Variants in RASGRP3 observed in about 807,000 individuals in gnomAD.
RASGRP3 encodes RAS guanyl releasing protein 3, also known as ras guanyl-releasing protein 3.
A neutral mutation model predicts 82.7 loss-of-function variants in RASGRP3; 54 were observed. The ratio of observed to expected loss-of-function variants is 0.65; its 90% CI spans 0.52 to 0.82. RASGRP3 has a LOEUF of 0.82. Among genes scored for constraint, RASGRP3 ranks in the 40% least tolerant of loss-of-function variants. The pLI is 0.00. For synonymous variants in RASGRP3, 309 were observed against 300.5 expected (o/e 1.03, Z -0.29); for missense variants, 861 against 828.9 (o/e 1.04, Z -0.48).
intron 1 of RASGRP3, among the ~76,000 whole-genome samples, chr2:33,492,712 G>T (rs1461860972): frequency 6.6e-6 from 1 of 152,204 alleles, no homozygotes; most frequent in Non-Finnish European, 1.5e-5. Flanking sequence ...CTCCAGAGCT[G>T]TGAGAAATAA....
intron 2 of RASGRP3, among the ~76,000 whole-genome samples, chr2:33,454,371 G>T (rs185498942): frequency 1.4e-4 from 22 of 152,318 alleles, no homozygotes; most frequent in Admixed American, 5.9e-4. Context: ...ATTTTTATGG[G>T]AGGAGGGATG....
At chr2:33,489,075 G>A (rs150121504) in intron 1 of RASGRP3, among the ~76,000 whole-genome samples, 1 of 152,194 alleles carries the variant, frequency 6.6e-6, no homozygotes, top group Non-Finnish European at 1.5e-5. Flanking sequence ...ATTTTTGGTA[G>A]TCTCTACTGG....
chr2:33,553,768 A>G (rs1473321032), intron 14 of RASGRP3, among the ~76,000 whole-genome samples: 1 of 151,934 alleles, frequency 6.6e-6, no homozygotes, highest in African/African-American at 2.4e-5. Context: ...TTTTTCTTTG[A>G]GATAGAATCT....
chr2:33,558,741 C>T lies in RASGRP3; in HGVS notation c.1775C>T (p.Thr592Ile). ...GHRDLDSRAI[T>I]LVTGSSRKIS... ...AGGGATTTAGACAGCAGAGCCATCA[C>T]ACTGGTTACAGGCTCTTCTCGCAAG... Residue 592 changes from threonine to isoleucine, a missense_variant, in exon 17 of 18, where the codon ACA becomes ATA. Physicochemically the swap from Thr to Ile is moderately conservative, Grantham distance 89. Coordinates refer to ENST00000403687, the MANE Select transcript of RASGRP3 (RefSeq NM_001139488.2). 2 of 1,613,946 alleles carry T rather than the reference C, an allele frequency of 1.2e-6. No individual in the cohort carries two copies. Among genetic ancestry groups the T allele is most frequent in the South Asian group, 1.1e-5 (1 of 91,068 alleles).
At chr2:33,449,490 G>C (rs924913502) in intron 2 of RASGRP3, among the ~76,000 whole-genome samples, 2 of 152,114 alleles carry the variant, frequency 1.3e-5, no homozygotes, top group Non-Finnish European at 2.9e-5. Flanking sequence ...GGCCGGGCGC[G>C]GTGGCTCACG....
intron 10 of RASGRP3, chr2:33,531,062 A>T (rs1338016389): frequency 1.3e-5 from 2 of 152,228 alleles, no homozygotes; most frequent in African/African-American, 2.4e-5. Context: ...TCTCATTTTT[A>T]AAAAAGAAGA....
At chr2:33,463,795 T>G (rs539344732) in intron 2 of RASGRP3, among the ~76,000 whole-genome samples, 1 of 151,880 alleles carries the variant, frequency 6.6e-6, no homozygotes, top group South Asian at 2.1e-4. Flanking sequence ...AGAAATGTGG[T>G]TTCACCATGT....
intron 14 of RASGRP3, 102 bp downstream of exon 14, chr2:33,549,853 G>A: frequency 7.5e-7 from 1 of 1,332,876 alleles, no homozygotes; most frequent in Non-Finnish European, 1.0e-6. Flanking sequence ...TGTCTGCTTT[G>A]AATCAGAAGT....
Position 33,453,017 on chromosome 2 carries a change from C to A in RASGRP3, c.-261+5074C>A, listed in dbSNP as rs148486145. On this transcript the variant is annotated intron_variant, in intron 2 of 18. Transcript: ENST00000402538. Reference sequence around the variant, plus strand: ...GGTGTTCAGTTCACTCTCCTTCCCCCACAGGGAAGGTATCTTTCTCTGTGC... The same window carrying A: ...GGTGTTCAGTTCACTCTCCTTCCCCAACAGGGAAGGTATCTTTCTCTGTGC... 2.8e-3 allele frequency among the ~76,000 whole-genome samples: 422 copies of A among 152,300 alleles called. 1 individual carries two copies. The highest frequency in any genetic ancestry group is 9.7e-3 in the African/African-American group (405 of 41,568).
At chr2:33,549,244 T>A (rs147215336) in intron 13 of RASGRP3, among the ~76,000 whole-genome samples, 3 of 152,288 alleles carry the variant, frequency 2.0e-5, no homozygotes, top group African/African-American at 7.2e-5. Flanking sequence ...TCATCCTAAT[T>A]CTTGCAACCT....
chr2:33,467,978 CT>C (rs1270234762), intron 2 of RASGRP3, among the ~76,000 whole-genome samples: 1 of 140,812 alleles, frequency 7.1e-6, no homozygotes, highest in Non-Finnish European at 1.5e-5. Flanking sequence ...GATGGTGAGG[CT>C]TTTTCTTTCT....
intron 1 of RASGRP3, among the ~76,000 whole-genome samples, chr2:33,508,939 T>C (rs1670660455): frequency 6.6e-6 from 1 of 152,188 alleles, no homozygotes; most frequent in Admixed American, 6.5e-5. Context: ...TATGAGTTTC[T>C]ATTGTTATGG....
chr2:33,489,834 G>T (rs143776917), intron 1 of RASGRP3, among the ~76,000 whole-genome samples: 28 of 152,320 alleles, frequency 1.8e-4, no homozygotes, highest in African/African-American at 6.7e-4. Context: ...ACTGCTCCCA[G>T]TTGACAGATT....
At chr2:33,446,599 G>A (rs1301645602) in intron 1 of RASGRP3, among the ~76,000 whole-genome samples, 1 of 152,078 alleles carries the variant, frequency 6.6e-6, no homozygotes, top group African/African-American at 2.4e-5. Flanking sequence ...AAATATGCAG[G>A]CACATGAGAA....
In RASGRP3 at chr2:33,466,827, A is replaced by G. The variant is rs535967636; in HGVS notation, c.-261+18884A>G. 2.6e-5 allele frequency among the ~76,000 whole-genome samples: 4 copies of G among 152,326 alleles called. No individual in the cohort carries two copies. In the East Asian group the frequency reaches 5.8e-4, roughly 22 times the overall value. On this transcript the variant is annotated intron_variant, in intron 2 of 18. Transcript: ENST00000402538. ...ACCCAGGTTTAATTAGAAGAGGATG[A>G]GCAAGTCTAGGAAAACTTCTATGGC...
chr2:33,503,371 C>A (rs149133803), intron 1 of RASGRP3, among the ~76,000 whole-genome samples: 1 of 152,070 alleles, frequency 6.6e-6, no homozygotes, highest in Non-Finnish European at 1.5e-5. Context: ...ACTGTGATTT[C>A]ATTTCAGGAG....
chr2:33,516,297 A>G (rs536284350), intron 3 of RASGRP3, among the ~76,000 whole-genome samples: 46 of 152,286 alleles, frequency 3.0e-4, no homozygotes, highest in Non-Finnish European at 5.7e-4. Flanking sequence ...AGTCCCAGCT[A>G]CTCAGGAGGC....
At chr2:33,509,635 T>C (rs1475591211) in intron 1 of RASGRP3, among the ~76,000 whole-genome samples, 1 of 152,216 alleles carries the variant, frequency 6.6e-6, no homozygotes, top group Non-Finnish European at 1.5e-5. Context: ...TCCTCAGGCT[T>C]CTAGACTAAA....
At chr2:33,504,716 C>T (rs750645504) in intron 1 of RASGRP3, among the ~76,000 whole-genome samples, 1 of 152,196 alleles carries the variant, frequency 6.6e-6, no homozygotes, top group African/African-American at 2.4e-5. Context: ...TGTTCACATT[C>T]TCTTGCTTTT....
Sources: gnomAD v4.1 joint callset for allele counts (sites outside exome capture counted in the v4.1 genomes callset) on GRCh38, gnomAD v4.1.1 for gene constraint, MANE v1.5 for transcripts, NCBI Gene and HGNC (gene_info 2026-07-23, HGNC 2026-07-21) for gene names.